PRDM16: variants seen among roughly 807,000 people sequenced by gnomAD.
The protein encoded by PRDM16 is histone-lysine N-methyltransferase PRDM16.
PRDM16 carries 23 observed loss-of-function variants against 110.6 expected under a neutral mutation model. The observed-to-expected ratio is 0.21, with a 90% CI of 0.15 to 0.29. PRDM16 has a LOEUF of 0.29. Among genes scored for constraint, PRDM16 ranks in the 10% least tolerant of loss-of-function variants. PRDM16 has a pLI of 1.00. For missense variants in PRDM16, 1,615 were observed against 1,794.3 expected, an observed-to-expected ratio of 0.90 and a Z score of 1.81; for synonymous variants, 799 against 781.8, an observed-to-expected ratio of 1.02 and a Z score of -0.37.
intron 3 of PRDM16, among the ~76,000 whole-genome samples, chr1:3,266,347 C>T (rs922137776): frequency 1.3e-5 from 2 of 152,174 alleles, no homozygotes; most frequent in African/African-American, 2.4e-5. Context: ...GCCGAGCACC[C>T]GTAATCCACC....
At chr1:3,181,470 ACACG>A (rs1557509224) in intron 1 of PRDM16, among the ~76,000 whole-genome samples, 2 of 71,464 alleles carry the variant, frequency 2.8e-5, no homozygotes, top group Non-Finnish European at 6.7e-5. Context: ...ACGGTCTTAC[ACACG>A]CAGTCTTACA....
chr1:3,082,990 C>T (rs1308904969), intron 1 of PRDM16, among the ~76,000 whole-genome samples: 53 of 152,184 alleles, frequency 3.5e-4, no homozygotes, highest in Admixed American at 3.5e-3. Flanking sequence ...CGCTGGAGAT[C>T]GAGCCCCCCT....
chr1:3,278,419 C>CCT (rs1157001219), intron 3 of PRDM16, among the ~76,000 whole-genome samples: 2 of 152,220 alleles, frequency 1.3e-5, no homozygotes, highest in African/African-American at 4.8e-5. Context: ...CCAGGGGCAG[C>CCT]CTGCAGAGTG....
At chr1:3,260,647 T>A (rs1349852690) in intron 3 of PRDM16, among the ~76,000 whole-genome samples, 1 of 112,024 alleles carries the variant, frequency 8.9e-6, no homozygotes, top group Non-Finnish European at 1.9e-5. Flanking sequence ...AGTGATTATG[T>A]TAATGATGAA....
At position 3,425,692 on chromosome 1, in the gene PRDM16, C is replaced by T. The variant is rs778222564; in HGVS notation, c.3051C>T (p.Phe1017=). The stretch of plus-strand genomic sequence containing the variant: ...AGTGCCACCTGTGCAACCGCTGCTT[C>T]GGGCAGCAGACCAACCTGGACCGGC... The part of the protein sequence containing the change: ...PFKCHLCNRC[F]GQQTNLDRHL... The change falls in exon 13 of 17, where the codon TTC becomes TTT. Residue 1017 remains phenylalanine, a synonymous_variant. Coordinates refer to ENST00000270722, the MANE Select transcript of PRDM16 (RefSeq NM_022114.4). This position sits in a 1 kb window ranked among gnomAD's most constrained non-coding sequence, Gnocchi z 6.9. 7.1e-5 allele frequency: 114 copies of T among 1,613,796 alleles called. No individual in the cohort carries two copies. Among genetic ancestry groups the T allele is most frequent in the South Asian group, 6.8e-4 (62 of 91,086 alleles).
chr1:3,341,163 G>C (rs995458777), intron 3 of PRDM16, among the ~76,000 whole-genome samples: 1 of 152,292 alleles, frequency 6.6e-6, no homozygotes, highest in Non-Finnish European at 1.5e-5. Context: ...GGCCACAGAG[G>C]ATGTAGCAGA....
intron 2 of PRDM16, among the ~76,000 whole-genome samples, chr1:3,188,781 C>T (rs1644303198): frequency 6.6e-6 from 1 of 152,146 alleles, no homozygotes; most frequent in Non-Finnish European, 1.5e-5. Flanking sequence ...CGGGAGCTGA[C>T]ATTGGAACTG....
chr1:3,389,568 G>A (rs1260977043), intron 4 of PRDM16, among the ~76,000 whole-genome samples: 2 of 152,216 alleles, frequency 1.3e-5, no homozygotes, highest in African/African-American at 4.8e-5. Flanking sequence ...GAGCCGAGCA[G>A]AGCCAGAGGC....
chr1:3,182,689 G>A (rs1334973608), intron 1 of PRDM16, among the ~76,000 whole-genome samples: 1 of 152,176 alleles, frequency 6.6e-6, no homozygotes, highest in African/African-American at 2.4e-5. Context: ...CCCAGCCCGG[G>A]GCAGCAGCAG....
chr1:3,366,754 G>A (rs1437950170), intron 3 of PRDM16, among the ~76,000 whole-genome samples: 1 of 152,160 alleles, frequency 6.6e-6, no homozygotes, highest in East Asian at 1.9e-4. Flanking sequence ...TCTACTCTAG[G>A]TCAAATGTTT....
chr1:3,409,098 TGAGTGC>T (rs1391412856), intron 8 of PRDM16, among the ~76,000 whole-genome samples: 6 of 147,634 alleles, frequency 4.1e-5, no homozygotes, highest in African/African-American at 1.5e-4. Context: ...CGCGTGTCTG[TGAGTGC>T]GAGTGTGGGC....
At chr1:3,181,777 CAT>C (rs1432934784) in intron 1 of PRDM16, among the ~76,000 whole-genome samples, 1 of 131,814 alleles carries the variant, frequency 7.6e-6, no homozygotes, top group African/African-American at 3.0e-5. Flanking sequence ...CAGTCTTACA[CAT>C]GCAGTCTTAC....
At chr1:3,117,604 G>A (rs1251088401) in intron 1 of PRDM16, among the ~76,000 whole-genome samples, 1 of 151,968 alleles carries the variant, frequency 6.6e-6, no homozygotes, top group African/African-American at 2.4e-5. Flanking sequence ...AGCAGAAAAG[G>A]ACTCTGCCTC....
intron 1 of PRDM16, among the ~76,000 whole-genome samples, chr1:3,104,867 C>T (rs1642615036): frequency 1.3e-5 from 2 of 152,186 alleles, no homozygotes. Flanking sequence ...GTGGCCACTT[C>T]ATGAACGCTC....
At chr1:3,107,603 C>T (rs1455411274) in intron 1 of PRDM16, among the ~76,000 whole-genome samples, 6 of 152,172 alleles carry the variant, frequency 3.9e-5, no homozygotes, top group African/African-American at 9.7e-5. Flanking sequence ...TCTCTGATGG[C>T]GGGTGTTTGT....
At chr1:3,164,377 G>A (rs2100746620) in intron 1 of PRDM16, among the ~76,000 whole-genome samples, 1 of 152,312 alleles carries the variant, frequency 6.6e-6, no homozygotes, top group Middle Eastern at 3.4e-3. Context: ...CAGCCGTGAC[G>A]TTGGGCCGAC....
Position 3,190,344 on chromosome 1 carries a change from G to T in PRDM16, c.387+3870G>T, listed in dbSNP as rs117243253. 1.3e-5 allele frequency among the ~76,000 whole-genome samples: 2 copies of T among 152,340 alleles called. No homozygotes were observed. The highest frequency in any genetic ancestry group is 2.1e-4 in the South Asian group (1 of 4,834). On this transcript the variant is annotated intron_variant, in intron 2 of 16. Transcript: ENST00000270722. The surrounding 1 kb of genome is among the most constrained non-coding windows in gnomAD (Gnocchi z 5.0). ...TTAGCAACGCAGGAATGAGGCTGGG[G>T]GTCGGGAGCTGAGTTTCCTCCGGCC...
chr1:3,219,193 G>A (rs1045305286), intron 2 of PRDM16, among the ~76,000 whole-genome samples: 8 of 152,178 alleles, frequency 5.3e-5, no homozygotes, highest in African/African-American at 1.2e-4. Context: ...CGGCTCCCTC[G>A]GCAAACATTT....
chr1:3,396,104 G>T (rs1035169472), intron 4 of PRDM16, among the ~76,000 whole-genome samples: 1 of 152,040 alleles, frequency 6.6e-6, no homozygotes, highest in Non-Finnish European at 1.5e-5. Flanking sequence ...CTCCCCCGCC[G>T]CCACTGGCAA....
Sources: allele counts gnomAD v4.1 joint callset (sites outside exome capture counted in the v4.1 genomes callset), GRCh38; gene constraint gnomAD v4.1.1; non-coding constraint Gnocchi (gnomAD v3.1); transcripts MANE v1.5; gene names NCBI Gene and HGNC (gene_info 2026-07-23, HGNC 2026-07-21).